Variants in LINGO2 observed in about 807,000 individuals in gnomAD.
LINGO2 encodes leucine-rich repeat and immunoglobulin-like domain-containing nogo receptor-interacting protein 2.
LINGO2 carries 14 observed loss-of-function variants against 30.6 expected under a neutral mutation model. The observed-to-expected ratio is 0.46, with a 90% CI of 0.30 to 0.72. The LOEUF (loss-of-function observed/expected upper bound fraction) is 0.72. LINGO2 is among the 30% of genes least tolerant of loss of function. The pLI, the probability that LINGO2 is intolerant of heterozygous loss-of-function variation, is 0.07. For missense variants in LINGO2, 729 were observed against 751.7 expected, an observed-to-expected ratio of 0.97 and a Z score of 0.35; for synonymous variants, 317 against 288.5, an observed-to-expected ratio of 1.10 and a Z score of -1.00.
Position 28,496,346 on chromosome 9 carries a change from G to A in LINGO2, c.-364-20321C>T, listed in dbSNP as rs577103734. ...TTGCTTTATGAATCTGGGTGCTCCC[G>A]TATTGGGTGCATATATATTTAGGAT... On this transcript the variant is annotated intron_variant, in intron 1 of 5. Coordinates refer to ENST00000379992, the Ensembl canonical transcript of LINGO2. 1.2e-4 allele frequency among the ~76,000 whole-genome samples: 19 copies of A among 152,154 alleles called. No homozygotes were observed. In the Middle Eastern group the frequency reaches 0.02, roughly 163 times the overall value.
At chr9:28,703,004 AT>A in the LINGO2 span, among the ~76,000 whole-genome samples, 3 of 151,380 alleles carry the variant, frequency 2.0e-5, no homozygotes, top group South Asian at 2.1e-4. Context: ...GACATAAGTA[AT>A]TTTTATCTTT....
At chr9:28,346,912 T>C (rs1220445909) in intron 3 of LINGO2, among the ~76,000 whole-genome samples, 1 of 152,052 alleles carries the variant, frequency 6.6e-6, no homozygotes, top group African/African-American at 2.4e-5. Context: ...AAGTTCCTTA[T>C]AGATATAGGT....
At chr9:28,794,425 AGTTT>A in the LINGO2 span, among the ~76,000 whole-genome samples, 1 of 152,306 alleles carries the variant, frequency 6.6e-6, no homozygotes, top group East Asian at 1.9e-4. Context: ...CTGGGAGGCT[AGTTT>A]GTTCATCTGC....
At chr9:28,849,013 A>C in the LINGO2 span, among the ~76,000 whole-genome samples, 1 of 151,976 alleles carries the variant, frequency 6.6e-6, no homozygotes, top group African/African-American at 2.4e-5. Context: ...CTTTACATAA[A>C]ATAGATTTAC....
At chr9:28,639,787 G>A (rs1275839992) in intron 1 of LINGO2, among the ~76,000 whole-genome samples, 11 of 152,138 alleles carry the variant, frequency 7.2e-5, no homozygotes, top group Non-Finnish European at 1.6e-4. Context: ...TTGCCAGTCT[G>A]TGTCTTTTAA....
At position 28,082,773 on chromosome 9, in the gene LINGO2, C is replaced by T. The variant is rs149178752; in HGVS notation, c.-86-70368G>A. Among the ~76,000 whole-genome samples, 706 of 152,262 alleles carry T rather than the reference C, an allele frequency of 4.6e-3. 4 individuals are homozygous for T. The highest frequency in any genetic ancestry group is 7.2e-3 in the Non-Finnish European group (487 of 68,016). Reference sequence around the variant, plus strand: ...CCTCTCTGGATCTCTTTCTCTCCCTCTGCGTTTTTCTGACTCATATGGTTT... The same window carrying T: ...CCTCTCTGGATCTCTTTCTCTCCCTTTGCGTTTTTCTGACTCATATGGTTT... On this transcript the variant is annotated intron_variant, in intron 4 of 5. Transcript: ENST00000379992.
chr9:28,235,523 A>G (rs1382840013), intron 4 of LINGO2, among the ~76,000 whole-genome samples: 5 of 152,214 alleles, frequency 3.3e-5, no homozygotes. Context: ...TCCTGGAGAA[A>G]CAGAGATATG....
In LINGO2 at chr9:28,101,214, C is replaced by T. The variant is rs141620601; in HGVS notation, c.-86-88809G>A. Among the ~76,000 whole-genome samples the T allele has an allele frequency of 2.4e-3, 370 of 152,056 alleles. 7 individuals are homozygous for T. In the South Asian group the frequency reaches 0.047, roughly 19 times the overall value. ...TATGGTCTCCCTCTCCACTGCTGGCCTATTTCTCTTTATAGTTAGACCTTG... is the reference window on the plus strand; with the variant it reads ...TATGGTCTCCCTCTCCACTGCTGGCTTATTTCTCTTTATAGTTAGACCTTG... On this transcript the variant is annotated intron_variant, in intron 4 of 5. Coordinates refer to ENST00000379992, the Ensembl canonical transcript of LINGO2.
chr9:28,111,128 A>G (rs1382580346), intron 4 of LINGO2, among the ~76,000 whole-genome samples: 2 of 152,072 alleles, frequency 1.3e-5, no homozygotes, highest in Non-Finnish European at 2.9e-5. Flanking sequence ...CAGCAAACTA[A>G]CACAGGTACA....
chr9:28,562,157 G>A (rs999459580), intron 1 of LINGO2, among the ~76,000 whole-genome samples: 2 of 151,854 alleles, frequency 1.3e-5, no homozygotes, highest in Non-Finnish European at 2.9e-5. Context: ...CTCTGCTAAT[G>A]AACCAAGCTA....
intron 4 of LINGO2, among the ~76,000 whole-genome samples, chr9:28,191,737 C>A (rs73445947): frequency 6.6e-5 from 10 of 152,092 alleles, no homozygotes; most frequent in African/African-American, 2.4e-4. Context: ...CTTCCTTGAC[C>A]TCTCAGCAGA....
intron 4 of LINGO2, among the ~76,000 whole-genome samples, chr9:28,074,890 TTTTCTC>T (rs1330247545): frequency 2.0e-5 from 3 of 151,872 alleles, no homozygotes; most frequent in African/African-American, 7.2e-5. Flanking sequence ...CATTGTATCT[TTTTCTC>T]TTTGTTCTTT....
At chr9:28,020,483 C>T (rs1323134592) in intron 4 of LINGO2, among the ~76,000 whole-genome samples, 1 of 152,018 alleles carries the variant, frequency 6.6e-6, no homozygotes, top group Non-Finnish European at 1.5e-5. Context: ...GAGCCGAGAT[C>T]GCACTACTGC....
chr9:28,992,127 T>C, the LINGO2 span, among the ~76,000 whole-genome samples: 200 of 152,174 alleles, frequency 1.3e-3, no homozygotes, highest in Non-Finnish European at 2.2e-3. Flanking sequence ...ACCCATCTCA[T>C]GTGCAGAGAC....
chr9:28,178,406 A>T (rs1828807435), intron 4 of LINGO2, among the ~76,000 whole-genome samples: 1 of 152,154 alleles, frequency 6.6e-6, no homozygotes, highest in Admixed American at 6.6e-5. Context: ...ATACATCAAC[A>T]TGGCAATAGA....
the LINGO2 span, among the ~76,000 whole-genome samples, chr9:28,903,908 C>G: frequency 2.0e-5 from 1 of 49,954 alleles, no homozygotes; most frequent in African/African-American, 5.8e-5. Flanking sequence ...AAGACAGGGA[C>G]AGTGTAAAAA....
At chr9:28,351,215 G>T (rs1474300184) in intron 3 of LINGO2, among the ~76,000 whole-genome samples, 2 of 148,850 alleles carry the variant, frequency 1.3e-5, no homozygotes, top group Admixed American at 6.7e-5. Context: ...CCAGGAGCTG[G>T]TTTTTTGAAA....
the LINGO2 span, among the ~76,000 whole-genome samples, chr9:29,013,583 A>G: frequency 6.6e-6 from 1 of 152,114 alleles, no homozygotes; most frequent in Non-Finnish European, 1.5e-5. Flanking sequence ...ACATAATACT[A>G]TGAGGATTCT....
At chr9:28,930,798 A>C in the LINGO2 span, among the ~76,000 whole-genome samples, 1 of 152,178 alleles carries the variant, frequency 6.6e-6, no homozygotes, top group East Asian at 1.9e-4. This position sits in a 1 kb window ranked among gnomAD's most constrained non-coding sequence, Gnocchi z 4.2. Context: ...GTCCGGATTT[A>C]AGACTGACCA....
Sources: gnomAD v4.1 joint callset for allele counts (sites outside exome capture counted in the v4.1 genomes callset) on GRCh38, gnomAD v4.1.1 for gene constraint, Gnocchi (gnomAD v3.1) non-coding constraint, MANE v1.5 for transcripts, NCBI Gene and HGNC (gene_info 2026-07-23, HGNC 2026-07-21) for gene names.